The following ZNF730 variants were observed in gnomAD, a reference collection of about 807,000 sequenced individuals.
The protein encoded by ZNF730 is zinc finger protein 730, also known as putative zinc finger protein 730.
ZNF730 carries 12 observed loss-of-function variants against 12.6 expected under a neutral mutation model. That is an observed-to-expected ratio of 0.95 (90% CI 0.61 to 1.54). The LOEUF is 1.54. Ranked by LOEUF, ZNF730 falls within the 40% of genes most tolerant of loss-of-function variation. The pLI is 0.00. For synonymous variants in ZNF730, 194 were observed against 195.8 expected (o/e 0.99, Z 0.08); for missense variants, 643 against 583.5 (o/e 1.10, Z -1.05).
intron 1 of ZNF730, among the ~76,000 whole-genome samples, chr19:23,078,814 T>C (rs1175328452): frequency 6.6e-6 from 1 of 152,192 alleles, no homozygotes; most frequent in African/African-American, 2.4e-5. Flanking sequence ...AATTATCTTT[T>C]TTTTTTTTGA....
chr19:23,130,007 A>G (rs1970727561), intron 1 of ZNF730, among the ~76,000 whole-genome samples: 1 of 151,624 alleles, frequency 6.6e-6, no homozygotes, highest in African/African-American at 2.4e-5. Context: ...AAAAAAAAAA[A>G]AAAGACTTTG....
rs1243414022 is a variant in ZNF730, at chr19:23,145,758, CT to C, written c.715del (p.Trp239GlyfsTer122). Reference sequence around the variant, plus strand: ...GTAAAGAATGTGGCAAAGCCTTTAACTGGTTTTCACATTTTACTACACATAA... The same window carrying C: ...GTAAAGAATGTGGCAAAGCCTTTAACGGTTTTCACATTTTACTACACATAA... ...KCKECGKAFN[W>X]FSHFTTHKRI... On this transcript the variant is annotated frameshift_variant, in exon 4 of 4. Coordinates refer to ENST00000597761, the MANE Select transcript of ZNF730 (RefSeq NM_001277403.2). LOFTEE classifies it low-confidence loss of function (END_TRUNC). 6.4e-7 allele frequency: 1 copy of C among 1,568,198 alleles called. No individual in the cohort carries two copies. Among genetic ancestry groups the C allele is most frequent in the African/African-American group, 1.4e-5 (1 of 73,344 alleles).
upstream of ZNF730, among the ~76,000 whole-genome samples, chr19:23,115,604 CACATGTT>C (rs1358156420): frequency 6.6e-6 from 1 of 152,118 alleles, no homozygotes; most frequent in African/African-American, 2.4e-5. Flanking sequence ...ATGAACAAAG[CACATGTT>C]AGCCAGCTGG....
chr19:23,141,191 G>A (rs977777293), intron 3 of ZNF730, among the ~76,000 whole-genome samples: 7 of 151,908 alleles, frequency 4.6e-5, no homozygotes, highest in African/African-American at 9.7e-5. Context: ...TTAGGAAATC[G>A]AGACCATCCT....
In ZNF730 at chr19:23,147,177, A is replaced by C. The variant is rs557404264; in HGVS notation, c.*621A>C. The C allele has an allele frequency of 6.1e-6, 1 of 163,346 alleles. No individual in the cohort carries two copies. The highest frequency in any genetic ancestry group is 1.3e-5 in the Non-Finnish European group (1 of 74,358). The allele number at this position is 163,346 out of a possible 1,614,324, so 10.1% of individuals were successfully genotyped here. Reference sequence around the variant, plus strand: ...ACCCTATTAATATCTGCTCACATCAACTCAACATCAGAGTTCATACTTAAT... The same window carrying C: ...ACCCTATTAATATCTGCTCACATCACCTCAACATCAGAGTTCATACTTAAT... On this transcript the variant is annotated 3_prime_UTR_variant, in exon 4 of 4. Coordinates refer to ENST00000597761, the MANE Select transcript of ZNF730 (RefSeq NM_001277403.2).
chr19:23,136,054 GTAAA>G lies in ZNF730; in HGVS notation c.226+14_226+17del, dbSNP rs760970005. ...TAGCCAAACCCCCAGGTAGGTGACA[GTAAA>G]TACAATACACAAAACTGATAAGAGA... On this transcript the variant is annotated intron_variant, in intron 3 of 3. Transcript: ENST00000597761. 6.4e-7 allele frequency: 1 copy of G among 1,571,958 alleles called. No individual in the cohort carries two copies. The highest frequency in any genetic ancestry group is 1.2e-5 in the South Asian group (1 of 85,280).
upstream of ZNF730, among the ~76,000 whole-genome samples, chr19:23,115,209 C>G (rs1970504489): frequency 6.6e-6 from 1 of 151,760 alleles, no homozygotes; most frequent in Non-Finnish European, 1.5e-5. Flanking sequence ...GGCAGTTACT[C>G]TAGTAATATA....
intron 1 of ZNF730, among the ~76,000 whole-genome samples, chr19:23,107,393 T>A (rs1970405096): frequency 7.5e-6 from 1 of 133,154 alleles, no homozygotes; most frequent in Non-Finnish European, 1.5e-5. Flanking sequence ...ACCTCAGACT[T>A]CCAAGTATCC....
intron 1 of ZNF730, among the ~76,000 whole-genome samples, chr19:23,088,764 G>A (rs10410109): frequency 0.3 from 45,793 of 151,990 alleles, 7,787 homozygotes; most frequent in African/African-American, 0.47. Context: ...CATGCCCAGC[G>A]TATTGAGAGT....
rs576077470 is a variant in ZNF730, at chr19:23,117,121, C to T, written c.-53C>T. 4.2e-5 allele frequency: 68 copies of T among 1,613,126 alleles called. No individual in the cohort carries two copies. The Middle Eastern group carries it at 1.5e-3, about 35-fold the overall frequency. On this transcript the variant is annotated 5_prime_UTR_variant, in exon 1 of 4. Transcript: ENST00000597761. ...CCAGCCTGTGTGGCCCTGCGACCTG[C>T]GGGTATTGGGAGATCCACAGCTAAG... is the stretch of plus-strand genomic sequence containing the variant.
At chr19:23,101,366 C>T (rs1599579271) in intron 1 of ZNF730, among the ~76,000 whole-genome samples, 1 of 152,336 alleles carries the variant, frequency 6.6e-6, no homozygotes, top group South Asian at 2.1e-4. Context: ...ACTGAAAGGA[C>T]AAGCCTGCAG....
chr19:23,145,622 A>C lies in ZNF730; in HGVS notation c.578A>C (p.Lys193Thr). The change falls in exon 4 of 4, where the codon AAA becomes ACA. Residue 193 changes from lysine to threonine, a missense_variant. Transcript: ENST00000597761. Reference protein sequence around the residue: ...CILSHLAQHKKIHTGEKSYKC... With the variant: ...CILSHLAQHKTIHTGEKSYKC... Reference sequence around the variant, plus strand: ...CTTTCACACTTAGCTCAACATAAAAAAATTCATACTGGAGAGAAATCCTAC... The same window carrying C: ...CTTTCACACTTAGCTCAACATAAAACAATTCATACTGGAGAGAAATCCTAC... The C allele has an allele frequency of 6.5e-7, 1 of 1,547,478 alleles. No individual in the cohort carries two copies. Among genetic ancestry groups the C allele is most frequent in the Non-Finnish European group, 8.7e-7 (1 of 1,148,296 alleles).
intron 3 of ZNF730, among the ~76,000 whole-genome samples, chr19:23,139,864 G>A (rs1970888338): frequency 6.6e-6 from 1 of 152,046 alleles, no homozygotes; most frequent in Non-Finnish European, 1.5e-5. Context: ...TTGCATACCA[G>A]ATTTTATGAG....
chr19:23,093,222 C>T (rs144690926), intron 1 of ZNF730, among the ~76,000 whole-genome samples: 266 of 152,334 alleles, frequency 1.7e-3, no homozygotes, highest in Non-Finnish European at 2.9e-3. Context: ...GTGATCCACT[C>T]GCCTTGGCCT....
chr19:23,117,074 T>C lies in ZNF730; in HGVS notation c.-100T>C. 1 of 1,586,424 alleles carries C rather than the reference T, an allele frequency of 6.3e-7. No individual in the cohort carries two copies. Among genetic ancestry groups the C allele is most frequent in the Admixed American group, 1.8e-5 (1 of 56,992 alleles). On this transcript the variant is annotated 5_prime_UTR_variant, in exon 1 of 4. Coordinates refer to ENST00000597761, the MANE Select transcript of ZNF730 (RefSeq NM_001277403.2). ...AGCTCCAATTTTCGTCTGTCTGCTT[T>C]GTGTCCTCTGCACGTAGAAGCCCAG...
intron 1 of ZNF730, among the ~76,000 whole-genome samples, chr19:23,090,201 G>A (rs929390390): frequency 1.3e-5 from 2 of 151,414 alleles, no homozygotes; most frequent in Non-Finnish European, 1.5e-5. Flanking sequence ...AGCCAAGATT[G>A]TACCACTGTA....
chr19:23,083,442 C>T (rs1490222653), intron 1 of ZNF730, among the ~76,000 whole-genome samples: 1 of 152,034 alleles, frequency 6.6e-6, no homozygotes. Flanking sequence ...AAAGAAGATA[C>T]ATACCCAGTA....
intron 1 of ZNF730, among the ~76,000 whole-genome samples, chr19:23,110,235 T>C (rs1970446074): frequency 7.6e-6 from 1 of 131,622 alleles, no homozygotes; most frequent in African/African-American, 3.0e-5. Flanking sequence ...CCTCCCAAAG[T>C]GCTGGGATTA....
upstream of ZNF730, among the ~76,000 whole-genome samples, chr19:23,116,299 T>TTTTTCTTTTTTCTTTTCTTTTCTTTTC (rs1172687600): frequency 2.8e-3 from 417 of 149,162 alleles, 3 homozygotes; most frequent in African/African-American, 0.01. Flanking sequence ...GTTATTCTGC[T>TTTTTCTTTTTTCTTTTCTTTTCTTTTC]TTTTCTTTTC....
Sources: gnomAD v4.1 joint callset for allele counts (sites outside exome capture counted in the v4.1 genomes callset) on GRCh38, gnomAD v4.1.1 for gene constraint, MANE v1.5 for transcripts, NCBI Gene and HGNC (gene_info 2026-07-23, HGNC 2026-07-21) for gene names.